MYO9A: variants seen among roughly 807,000 people sequenced by gnomAD.
The protein encoded by MYO9A is unconventional myosin-IXa.
In MYO9A, 103 loss-of-function variants were observed where a neutral mutation model predicts 293.3. That is an observed-to-expected ratio of 0.35 (90% CI 0.30 to 0.41). The LOEUF (loss-of-function observed/expected upper bound fraction) is 0.41, where lower values mean the gene tolerates loss of function less well. MYO9A is among the 10% of genes least tolerant of loss of function. The probability of loss-of-function intolerance (pLI) is 1.00; values close to 1 mark genes in which losing one functional copy is unlikely to be tolerated. For synonymous variants in MYO9A, 1,001 were observed against 1,035.7 expected (o/e 0.97, Z 0.64); for missense variants, 2,685 against 3,033.0 (o/e 0.89, Z 2.69).
intron 39 of MYO9A, among the ~76,000 whole-genome samples, chr15:71,840,669 G>T (rs187008842): frequency 6.6e-6 from 1 of 151,762 alleles, no homozygotes; most frequent in Admixed American, 6.6e-5. Context: ...TTGCTCTGTC[G>T]CCCAGGCTGG....
At chr15:71,837,218 A>G (rs779633108) in intron 39 of MYO9A, among the ~76,000 whole-genome samples, 5 of 152,022 alleles carry the variant, frequency 3.3e-5, no homozygotes, top group Non-Finnish European at 7.4e-5. Flanking sequence ...GCTGGAGGGT[A>G]GTTCTAAGGG....
chr15:72,092,271 A>T (rs1243403526), intron 1 of MYO9A, among the ~76,000 whole-genome samples: 3 of 152,176 alleles, frequency 2.0e-5, no homozygotes, highest in Non-Finnish European at 4.4e-5. Context: ...ACAAAAGTAA[A>T]CCTGTCCTAT....
chr15:71,886,171 T>G (rs1311802388), intron 27 of MYO9A, among the ~76,000 whole-genome samples: 3 of 144,800 alleles, frequency 2.1e-5, no homozygotes, highest in Non-Finnish European at 4.5e-5. Context: ...ATCAGTGGTA[T>G]GTGATTATTA....
At chr15:71,948,952 G>T (rs1329534882) in intron 15 of MYO9A, among the ~76,000 whole-genome samples, 1 of 138,274 alleles carries the variant, frequency 7.2e-6, no homozygotes, top group Non-Finnish European at 1.5e-5. Context: ...TTTTTTTTGT[G>T]AGGGGGGGGG....
At chr15:71,880,259 G>T in intron 29 of MYO9A, 76 bp downstream of exon 29, 2 of 1,223,734 alleles carry the variant, frequency 1.6e-6, no homozygotes. Flanking sequence ...TTGATATCTA[G>T]AGAGTATATC....
At chr15:72,099,490 TA>T (rs1355651503) in intron 1 of MYO9A, among the ~76,000 whole-genome samples, 1 of 148,608 alleles carries the variant, frequency 6.7e-6, no homozygotes. Context: ...TAGTCCCAGC[TA>T]CTCAGGATCC....
intron 6 of MYO9A, among the ~76,000 whole-genome samples, chr15:72,016,999 A>T (rs1226979978): frequency 2.0e-5 from 3 of 147,686 alleles, no homozygotes; most frequent in Non-Finnish European, 4.5e-5. Flanking sequence ...ATTCTGCTTC[A>T]GAGCCCAAAT....
chr15:72,010,584 A>G (rs537405604), intron 6 of MYO9A, 137 bp from the exon 7 acceptor site: 5 of 662,866 alleles, frequency 7.5e-6, no homozygotes, highest in Non-Finnish European at 1.3e-5. Flanking sequence ...AGTAAGACCT[A>G]GTCAAATTCA....
intron 38 of MYO9A, 78 bp downstream of exon 38, chr15:71,849,958 A>G: frequency 6.5e-7 from 1 of 1,533,174 alleles, no homozygotes; most frequent in Non-Finnish European, 9.0e-7. Flanking sequence ...CCCATTCACT[A>G]TGTTTGATAT....
At chr15:72,009,984 A>C (rs898499719) in intron 7 of MYO9A, among the ~76,000 whole-genome samples, 2 of 152,180 alleles carry the variant, frequency 1.3e-5, no homozygotes, top group Non-Finnish European at 1.5e-5. Flanking sequence ...TGCATCTGAT[A>C]AGTATGCATA....
At chr15:71,920,204 A>C (rs1321283926) in intron 18 of MYO9A, among the ~76,000 whole-genome samples, 1 of 152,142 alleles carries the variant, frequency 6.6e-6, no homozygotes, top group Non-Finnish European at 1.5e-5. Flanking sequence ...TATTAAGCTT[A>C]ATTAACCAGT....
chr15:71,953,348 G>C (rs1265621668), intron 14 of MYO9A, among the ~76,000 whole-genome samples: 3 of 152,200 alleles, frequency 2.0e-5, no homozygotes, highest in African/African-American at 7.2e-5. Context: ...AAAACACCCA[G>C]TGAGTTCTAG....
chr15:71,966,574 T>C (rs1031898542), intron 13 of MYO9A, among the ~76,000 whole-genome samples: 4 of 152,070 alleles, frequency 2.6e-5, no homozygotes, highest in African/African-American at 9.7e-5. Flanking sequence ...AAAGCACCCA[T>C]CAGCTCTAGC....
intron 1 of MYO9A, among the ~76,000 whole-genome samples, chr15:72,107,003 C>A (rs764095710): frequency 4.7e-4 from 71 of 152,022 alleles, no homozygotes; most frequent in Admixed American, 1.0e-3. Context: ...TTTATAAATA[C>A]TTAGAAAAAA....
intron 1 of MYO9A, among the ~76,000 whole-genome samples, chr15:72,055,588 G>C (rs2078695763): frequency 1.3e-5 from 2 of 151,960 alleles, no homozygotes; most frequent in African/African-American, 2.4e-5. Context: ...CTAATATCCA[G>C]AATCTACAAG....
intron 15 of MYO9A, among the ~76,000 whole-genome samples, chr15:71,941,309 C>T (rs987479603): frequency 9.2e-5 from 14 of 152,244 alleles, no homozygotes; most frequent in African/African-American, 3.1e-4. Context: ...GTGGCACACA[C>T]TTGTAATCCC....
At chr15:71,932,290 T>TGCCCA (rs2058499888) in intron 18 of MYO9A, among the ~76,000 whole-genome samples, 1 of 152,084 alleles carries the variant, frequency 6.6e-6, no homozygotes, top group African/African-American at 2.4e-5. Flanking sequence ...GCCCACTGAA[T>TGCCCA]GCCCATTTAT....
intron 39 of MYO9A, among the ~76,000 whole-genome samples, chr15:71,843,226 C>T (rs982272415): frequency 2.6e-5 from 4 of 151,726 alleles, no homozygotes; most frequent in Admixed American, 6.6e-5. Context: ...GTCAGGAGTT[C>T]GAGACCAGCC....
intron 18 of MYO9A, among the ~76,000 whole-genome samples, chr15:71,931,357 C>A (rs1406407858): frequency 6.6e-6 from 1 of 152,116 alleles, no homozygotes; most frequent in African/African-American, 2.4e-5. Context: ...TTTTGAAAGA[C>A]AAAATTGCTG....
Sources: allele counts gnomAD v4.1 joint callset (sites outside exome capture counted in the v4.1 genomes callset), GRCh38; gene constraint gnomAD v4.1.1; transcripts MANE v1.5; gene names NCBI Gene and HGNC (gene_info 2026-07-23, HGNC 2026-07-21).